FERMT3: variants seen among roughly 807,000 people sequenced by gnomAD.
FERMT3 encodes the protein FERM domain containing kindlin 3, also known as fermitin family homolog 3.
A neutral mutation model predicts 80.8 loss-of-function variants in FERMT3; 33 were observed. The observed-to-expected ratio is 0.41, with a 90% confidence interval of 0.31 to 0.55. The LOEUF (loss-of-function observed/expected upper bound fraction) is 0.55. Ranked by LOEUF, FERMT3 falls within the 20% of genes least tolerant of loss-of-function variation. FERMT3 has a pLI of 0.31. For missense variants in FERMT3, 754 were observed against 908.7 expected, an observed-to-expected ratio of 0.83 and a Z score of 2.19; for synonymous variants, 375 against 372.2, an observed-to-expected ratio of 1.01 and a Z score of -0.09.
chr11:64,213,727 T>C (rs1221103258), intron 6 of FERMT3, among the ~76,000 whole-genome samples: 1 of 149,864 alleles, frequency 6.7e-6, no homozygotes, highest in Non-Finnish European at 1.5e-5. Flanking sequence ...CCCAGCTAAT[T>C]TTGTATTTTT....
At position 64,210,375 on chromosome 11, in the gene FERMT3, G is replaced by A. The variant is rs141176704; in HGVS notation, c.161-236G>A. Among the ~76,000 whole-genome samples, 1 of 152,342 alleles carries A rather than the reference G, an allele frequency of 6.6e-6. No homozygotes were observed. Among genetic ancestry groups the A allele is most frequent in the African/African-American group, 2.4e-5 (1 of 41,580 alleles). The stretch of plus-strand genomic sequence containing the variant: ...GGGCACTCAGATGCTGGGTTGGAGA[G>A]CTCCCCTGGGAAGCGATATAGAAGC... On this transcript the variant is annotated intron_variant, in intron 2 of 14. Transcript: ENST00000345728. This position sits in a 1 kb window ranked among gnomAD's most constrained non-coding sequence, Gnocchi z 4.3.
chr11:64,212,600 G>A (rs958821612), intron 6 of FERMT3, among the ~76,000 whole-genome samples: 7 of 152,004 alleles, frequency 4.6e-5, no homozygotes, highest in East Asian at 1.9e-4. Flanking sequence ...ACACCACCCC[G>A]ACCACTCCTC....
Position 64,219,112 on chromosome 11 carries a change from A to T in FERMT3, c.787-139A>T. On this transcript the variant is annotated intron_variant, in intron 6 of 14. Transcript: ENST00000345728. The surrounding 1 kb of genome is among the most constrained non-coding windows in gnomAD (Gnocchi z 4.0). Reference sequence around the variant, plus strand: ...AGGATGGGGTTGAGGTCTGTGGCCCATGTCTGGCCACTGAATGAATCTGCC... The same window carrying T: ...AGGATGGGGTTGAGGTCTGTGGCCCTTGTCTGGCCACTGAATGAATCTGCC... 1 of 772,488 alleles carries T rather than the reference A, an allele frequency of 1.3e-6. No homozygotes were observed. The highest frequency in any genetic ancestry group is 2.2e-6 in the Non-Finnish European group (1 of 463,854). The allele number at this position is 772,488 out of a possible 1,614,324, so 47.9% of individuals were successfully genotyped here.
At chr11:64,223,276 A>G (rs1224125941) in intron 14 of FERMT3, 37 bp from the exon 15 acceptor site, 2 of 1,613,168 alleles carry the variant, frequency 1.2e-6, no homozygotes, top group South Asian at 1.1e-5. Context: ...CTGCTCCCTT[A>G]TCCCACCCAC....
intron 2 of FERMT3, chr11:64,207,937 G>A (rs1029432200): frequency 1.7e-5 from 3 of 171,758 alleles, no homozygotes; most frequent in Non-Finnish European, 3.8e-5. Context: ...GGGTGGGAAG[G>A]CCCTGCCCCC....
In FERMT3 at chr11:64,219,848, AGGGGGTGAG is replaced by A. The variant is rs746954198; in HGVS notation, c.1080-41_1080-33del. On this transcript the variant is annotated intron_variant, in intron 9 of 14. Transcript: ENST00000345728. This position sits in a 1 kb window ranked among gnomAD's most constrained non-coding sequence, Gnocchi z 4.0. ...GAGGGGTTGGTCTGCATATGGAGGG[AGGGGGTGAG>A]GCGGCCTTTCACAAACCCCAGCATC... 9.3e-6 allele frequency: 15 copies of A among 1,613,562 alleles called. No individual in the cohort carries two copies. The highest frequency in any genetic ancestry group is 6.7e-5 in the Admixed American group (4 of 59,990).
chr11:64,210,837 C>T lies in FERMT3; in HGVS notation c.387C>T (p.Arg129=). 4.3e-6 allele frequency: 7 copies of T among 1,612,040 alleles called. No individual in the cohort carries two copies. The highest frequency in any genetic ancestry group is 5.9e-6 in the Non-Finnish European group (7 of 1,179,982). Residue 129 remains arginine (R), a synonymous_variant, in exon 3 of 15, where the codon CGC becomes CGT. Coordinates refer to ENST00000345728, the MANE Select transcript of FERMT3 (RefSeq NM_031471.6). The surrounding 1 kb of genome is among the most constrained non-coding windows in gnomAD (Gnocchi z 4.3). ...PLFQAVAAIC[R]LLSIRHPEEL... ...TCCAGGCTGTGGCTGCCATCTGCCG[C>T]CTCCTCAGTAAGTTGCCCGGCTGAT...
At position 64,219,503 on chromosome 11, in the gene FERMT3, C is replaced by T. The variant is rs374300420; in HGVS notation, c.895-21C>T. On this transcript the variant is annotated intron_variant, in intron 7 of 14. Transcript: ENST00000345728. The surrounding 1 kb of genome is among the most constrained non-coding windows in gnomAD (Gnocchi z 4.0). ...GACCAGGCTGCTGGACTCAGCCCTC[C>T]CTGGCTTCATGACCACCTAGTACCA... The T allele has an allele frequency of 6.3e-7, 1 of 1,588,672 alleles. No homozygotes were observed. The highest frequency in any genetic ancestry group is 8.6e-7 in the Non-Finnish European group (1 of 1,168,860).
In FERMT3 at chr11:64,220,628, C is replaced by G. The variant is rs773617643; in HGVS notation, c.1504C>G (p.Leu502Val). 4 of 1,611,722 alleles carry G rather than the reference C, an allele frequency of 2.5e-6. No individual in the cohort carries two copies. The highest frequency in any genetic ancestry group is 3.4e-6 in the Non-Finnish European group (4 of 1,179,414). The stretch of plus-strand genomic sequence containing the variant: ...TGCCGAGGGCCTCAACCCCTACGGC[C>G]TCGTTGCCCCCCGTTTCCAGCGAAA... Reference protein sequence around the residue: ...ASAEGLNPYGLVAPRFQRKFK... With the variant: ...ASAEGLNPYGVVAPRFQRKFK... Residue 502 changes from leucine (L) to valine (V), a missense_variant, in exon 12 of 15, where the codon CTC becomes GTC. Leu to Val is a conservative substitution (Grantham distance 32). Coordinates refer to ENST00000345728, the MANE Select transcript of FERMT3 (RefSeq NM_031471.6).
Position 64,219,865 on chromosome 11 carries a change from T to C in FERMT3, c.1080-26T>C. On this transcript the variant is annotated intron_variant, in intron 9 of 14. Coordinates refer to ENST00000345728, the MANE Select transcript of FERMT3 (RefSeq NM_031471.6). The surrounding 1 kb of genome is among the most constrained non-coding windows in gnomAD (Gnocchi z 4.0). ...ATGGAGGGAGGGGGTGAGGCGGCCTTTCACAAACCCCAGCATCCCACGAAG... is the reference window on the plus strand; with the variant it reads ...ATGGAGGGAGGGGGTGAGGCGGCCTCTCACAAACCCCAGCATCCCACGAAG... 6.2e-7 allele frequency: 1 copy of C among 1,613,742 alleles called. No individual in the cohort carries two copies. Among genetic ancestry groups the C allele is most frequent in the Non-Finnish European group, 8.5e-7 (1 of 1,179,976 alleles).
chr11:64,223,296 C>T lies in FERMT3; in HGVS notation c.1813-17C>T, dbSNP rs1419820066. ...CCCTTATCCCACCCACCATTTGCCC[C>T]TCTGTCTGCCCTTCAGGTGGCCATC... is the stretch of plus-strand genomic sequence containing the variant. On this transcript the variant is annotated splice_polypyrimidine_tract_variant and intron_variant, in intron 14 of 14. Coordinates refer to ENST00000345728, the MANE Select transcript of FERMT3 (RefSeq NM_031471.6). 1.2e-6 allele frequency: 2 copies of T among 1,612,648 alleles called. No individual in the cohort carries two copies. Among genetic ancestry groups the T allele is most frequent in the African/African-American group, 1.3e-5 (1 of 74,094 alleles).
intron 2 of FERMT3, among the ~76,000 whole-genome samples, chr11:64,209,654 C>T (rs920162488): frequency 6.6e-6 from 1 of 152,130 alleles, no homozygotes. Flanking sequence ...TGCCGGAGGA[C>T]GAGCGCTTCT....
In FERMT3 at chr11:64,207,501, T is replaced by C. The variant is rs1299520902; in HGVS notation, c.137T>C (p.Leu46Pro). 1.2e-6 allele frequency: 2 copies of C among 1,612,414 alleles called. No individual in the cohort carries two copies. Among genetic ancestry groups the C allele is most frequent in the Non-Finnish European group, 1.7e-6 (2 of 1,179,152 alleles). ...GGGGAGTCGCACATCGGCGGGGTGCTCCTGAAGATTGTGGAGCAGATCAGT... is the reference window on the plus strand; with the variant it reads ...GGGGAGTCGCACATCGGCGGGGTGCCCCTGAAGATTGTGGAGCAGATCAGT... ...VTGESHIGGV[L>P]LKIVEQINRK... The change falls in exon 2 of 15, where the codon CTC becomes CCC. Residue 46 changes from leucine to proline, a missense_variant. Leu to Pro is a moderately conservative substitution (Grantham distance 98). Transcript: ENST00000345728.
intron 6 of FERMT3, among the ~76,000 whole-genome samples, chr11:64,212,267 C>T (rs1386565424): frequency 6.6e-6 from 1 of 152,236 alleles, no homozygotes; most frequent in East Asian, 1.9e-4. Context: ...ATGCTCCATG[C>T]AATGTGCTTC....
At position 64,207,415 on chromosome 11, in the gene FERMT3, G is replaced by A; in HGVS notation, c.51G>A (p.Glu17=). The A allele has an allele frequency of 6.2e-7, 1 of 1,614,212 alleles. No individual in the cohort carries two copies. The highest frequency in any genetic ancestry group is 8.5e-7 in the Non-Finnish European group (1 of 1,180,022). The change falls in exon 2 of 15, where the codon GAG becomes GAA. Residue 17 remains glutamate, a synonymous_variant. Transcript: ENST00000345728. The part of the protein sequence containing the change: ...ASGDYIDSSW[E]LRVFVGEEDP... ...GGGACTACATCGACTCGTCATGGGA[G>A]CTGCGGGTGTTTGTGGGAGAGGAGG...
At position 64,220,591 on chromosome 11, in the gene FERMT3, C is replaced by A; in HGVS notation, c.1467C>A (p.Gly489=). 6.2e-7 allele frequency: 1 copy of A among 1,610,016 alleles called. No individual in the cohort carries two copies. Among genetic ancestry groups the A allele is most frequent in the East Asian group, 2.2e-5 (1 of 44,766 alleles). The part of the protein sequence containing the change: ...GSGGPGNHPH[G]PDASAEGLNP... ...GGGGCCCGGGCAACCACCCCCACGGCCCTGATGCCTCTGCCGAGGGCCTCA... is the reference window on the plus strand; with the variant it reads ...GGGGCCCGGGCAACCACCCCCACGGACCTGATGCCTCTGCCGAGGGCCTCA... Residue 489 remains glycine, a synonymous_variant, in exon 12 of 15, where the codon GGC becomes GGA. Transcript: ENST00000345728.
In FERMT3 at chr11:64,211,431, A is replaced by G; in HGVS notation, c.671A>G (p.Gln224Arg). The change falls in exon 5 of 15, where the codon CAG (glutamine) becomes CGG (arginine). Residue 224 changes from glutamine (Q) to arginine (R), a missense_variant. Physicochemically the swap from Gln to Arg is conservative, Grantham distance 43 (BLOSUM62 1). Coordinates refer to ENST00000345728, the MANE Select transcript of FERMT3 (RefSeq NM_031471.6). This position sits in a 1 kb window ranked among gnomAD's most constrained non-coding sequence, Gnocchi z 4.7. The stretch of plus-strand genomic sequence containing the variant: ...CCCAGCTCCCTGTCAGACAAGACCC[A>G]GCTCCACAGCAGGTGCACCCAGGAG... ...PRPSSLSDKT[Q>R]LHSRWLDSSR... 1 of 1,593,428 alleles carries G rather than the reference A, an allele frequency of 6.3e-7. No individual in the cohort carries two copies. Among genetic ancestry groups the G allele is most frequent in the East Asian group, 2.3e-5 (1 of 43,916 alleles).
At position 64,211,778 on chromosome 11, in the gene FERMT3, A is replaced by G. The variant is rs748803946; in HGVS notation, c.786+31A>G. 1.3e-5 allele frequency: 21 copies of G among 1,604,988 alleles called. No individual in the cohort carries two copies. In the South Asian group the frequency reaches 2.2e-4, roughly 17 times the overall value. On this transcript the variant is annotated intron_variant, in intron 6 of 14. Coordinates refer to ENST00000345728, the MANE Select transcript of FERMT3 (RefSeq NM_031471.6). The surrounding 1 kb of genome is among the most constrained non-coding windows in gnomAD (Gnocchi z 4.7). Reference sequence around the variant, plus strand: ...TCGGGGCAGGGAGAAAGCGGGCCTCAGGTCCATGAGATGTGGAGACCTAGG... The same window carrying G: ...TCGGGGCAGGGAGAAAGCGGGCCTCGGGTCCATGAGATGTGGAGACCTAGG...
chr11:64,223,712 G>C lies in FERMT3; in HGVS notation c.*220G>C. 1 of 753,566 alleles carries C rather than the reference G, an allele frequency of 1.3e-6. No homozygotes were observed. Among genetic ancestry groups the C allele is most frequent in the South Asian group, 1.8e-5 (1 of 55,728 alleles). 46.7% of individuals were successfully genotyped at this position (753,566 alleles called of 1,614,324 possible). On this transcript the variant is annotated 3_prime_UTR_variant, in exon 15 of 15. Transcript: ENST00000345728. ...GGGTGGGGGTCCCTGAGCTCATGTGGTGCCCCCTTTCCTTGTCTGAGTGGC... is the reference window on the plus strand; with the variant it reads ...GGGTGGGGGTCCCTGAGCTCATGTGCTGCCCCCTTTCCTTGTCTGAGTGGC...
Sources: allele counts gnomAD v4.1 joint callset (sites outside exome capture counted in the v4.1 genomes callset), GRCh38; gene constraint gnomAD v4.1.1; non-coding constraint Gnocchi (gnomAD v3.1); transcripts MANE v1.5; gene names NCBI Gene and HGNC (gene_info 2026-07-23, HGNC 2026-07-21).